KLHL34: variants seen among roughly 807,000 people sequenced by gnomAD.
KLHL34 encodes the protein kelch like family member 34.
In KLHL34, 24 loss-of-function variants were observed where a neutral mutation model predicts 23.8. That is an observed-to-expected ratio of 1.01 (90% CI 0.73 to 1.42). KLHL34 has a LOEUF of 1.42. KLHL34 is among the 40% of genes most tolerant of loss of function. KLHL34 has a pLI of 0.00. For synonymous variants in KLHL34, 303 were observed against 287.9 expected (o/e 1.05, Z -0.53); for missense variants, 652 against 595.1 (o/e 1.10, Z -0.99).
rs2092732891 is a variant in KLHL34 at position 21,656,480 on chromosome X, C to T, written c.1309G>A (p.Gly437Ser). 8.4e-7 allele frequency: 1 copy of T among 1,196,757 alleles called. No homozygotes were observed. The highest frequency in any genetic ancestry group is 2.3e-4 in the Middle Eastern group (1 of 4,303). ...LLAVGGLGAG[G>S]EVLASVEMYD... ...ATCTCCACCGAGGCCAGCACCTCACCGCCCGCACCCAGGCCCCCGACGGCC... is the reference window on the plus strand; with the variant it reads ...ATCTCCACCGAGGCCAGCACCTCACTGCCCGCACCCAGGCCCCCGACGGCC... The change falls in exon 1 of 1, where the codon GGT becomes AGT. Residue 437 changes from glycine to serine, a missense_variant. Transcript: ENST00000379499.
Position 21,655,169 on chromosome X carries a change from T to G in KLHL34, c.*685A>C, listed in dbSNP as rs1159655964. ...GTCTAAAGTCAGGGCAAAAGCAGCC[T>G]AGGGTGACACCGGTGACAGAAAAAT... is the stretch of plus-strand genomic sequence containing the variant. On this transcript the variant is annotated 3_prime_UTR_variant, in exon 1 of 1. Transcript: ENST00000379499. 1 of 110,909 alleles carries G rather than the reference T, an allele frequency of 9.0e-6. No homozygotes were observed. The highest frequency in any genetic ancestry group is 1.9e-5 in the Non-Finnish European group (1 of 53,018). The allele number at this position is 110,909 out of a possible 1,213,427, so 9.1% of individuals were successfully genotyped here.
At position 21,656,160 on chromosome X, in the gene KLHL34, GCGCTCGATCTCAGAGAAGGGCTCGTAT is replaced by G. The variant is rs748193988; in HGVS notation, c.1602_1628del (p.Glu536_Tyr544del). ...TCCACTGGTCGGCGCCGGGGTCGTA[GCGCTCGATCTCAGAGAAGGGCTCGTAT>G]CGCCCCAGAAAAGCAAACACAGCGC... On this transcript the variant is annotated inframe_deletion, in exon 1 of 1. Coordinates refer to ENST00000379499, the MANE Select transcript of KLHL34 (RefSeq NM_153270.3). 1.7e-6 allele frequency: 2 copies of G among 1,175,800 alleles called. No homozygotes were observed. Among genetic ancestry groups the G allele is most frequent in the Non-Finnish European group, 2.3e-6 (2 of 876,781 alleles).
In KLHL34 at chrX:21,656,537, A is replaced by G. The variant is rs1450270762; in HGVS notation, c.1252T>C (p.Phe418Leu). The part of the protein sequence containing the change: ...VPAMREARAH[F>L]WCGAVGERLL... ...CTCTCGCCCACCGCGCCGCACCAGA[A>G]GTGGGCCCGCGCTTCCCGCATGGCG... The change falls in exon 1 of 1, where the codon TTC becomes CTC. Residue 418 changes from phenylalanine to leucine, a missense_variant. Phe to Leu is a conservative substitution (Grantham distance 22, BLOSUM62 0). Transcript: ENST00000379499. 2.5e-6 allele frequency: 3 copies of G among 1,197,089 alleles called. No individual in the cohort carries two copies. The African/African-American group carries it at 5.3e-5, about 21-fold the overall frequency.
In KLHL34 at chrX:21,657,249, C is replaced by T; in HGVS notation, c.540G>A (p.Arg180=). ...GLLELNPTSL[R]AVLGAPDVAR... Reference sequence around the variant, plus strand: ...CCACGTCGGGGGCACCCAGTACAGCCCTCAGCGATGTAGGGTTGAGCTCCA... The same window carrying T: ...CCACGTCGGGGGCACCCAGTACAGCTCTCAGCGATGTAGGGTTGAGCTCCA... The change falls in exon 1 of 1, where the codon AGG becomes AGA. Residue 180 remains arginine, a synonymous_variant. Coordinates refer to ENST00000379499, the MANE Select transcript of KLHL34 (RefSeq NM_153270.3). 1 of 1,178,815 alleles carries T rather than the reference C, an allele frequency of 8.5e-7. No homozygotes were observed.
rs2092733715 is a variant in KLHL34 at position 21,656,786 on chromosome X, T to A, written c.1003A>T (p.Asn335Tyr). 8.4e-7 allele frequency: 1 copy of A among 1,195,743 alleles called. No homozygotes were observed. Among genetic ancestry groups the A allele is most frequent in the African/African-American group, 1.7e-5 (1 of 57,737 alleles). Reference protein sequence around the residue: ...EEEEEWELTQNVVAFDVYNHR... With the variant: ...EEEEEWELTQYVVAFDVYNHR... ...TTGTACACATCGAAGGCCACCACGTTCTGGGTGAGCTCCCACTCCTCCTCC... is the reference window on the plus strand; with the variant it reads ...TTGTACACATCGAAGGCCACCACGTACTGGGTGAGCTCCCACTCCTCCTCC... The change falls in exon 1 of 1, where the codon AAC becomes TAC. Residue 335 changes from asparagine to tyrosine, a missense_variant. Asn to Tyr is a moderately radical substitution (Grantham distance 143). Transcript: ENST00000379499.
At position 21,657,083 on chromosome X, in the gene KLHL34, C is replaced by T; in HGVS notation, c.706G>A (p.Val236Met). The T allele has an allele frequency of 1.7e-6, 2 of 1,201,876 alleles. No homozygotes were observed. Among genetic ancestry groups the T allele is most frequent in the Non-Finnish European group, 2.2e-6 (2 of 890,874 alleles). The change falls in exon 1 of 1, where the codon GTG becomes ATG. Residue 236 changes from valine (V) to methionine (M), a missense_variant. Val to Met is a conservative substitution (Grantham distance 21). Coordinates refer to ENST00000379499, the MANE Select transcript of KLHL34 (RefSeq NM_153270.3). Reference protein sequence around the residue: ...GLVPADVLRRVYSGSGLVLPA... With the variant: ...GLVPADVLRRMYSGSGLVLPA... ...AGCACGAGGCCAGAGCCCGAGTACACGCGCCGCAGTACGTCGGCGGGAACC... is the reference window on the plus strand; with the variant it reads ...AGCACGAGGCCAGAGCCCGAGTACATGCGCCGCAGTACGTCGGCGGGAACC...
In KLHL34 at chrX:21,657,971, G is replaced by A. The variant is rs2092735969; in HGVS notation, c.-183C>T. ...CATCCAGACCTGCAGATCGCCCAGT[G>A]CCCCTCTCAGAGCAAATCCAGTCTG... On this transcript the variant is annotated 5_prime_UTR_variant, in exon 1 of 1. Transcript: ENST00000379499. The A allele has an allele frequency of 3.0e-6, 2 of 667,034 alleles. No individual in the cohort carries two copies. Among genetic ancestry groups the A allele is most frequent in the Middle Eastern group, 5.3e-4 (1 of 1,891 alleles). 55.0% of individuals were successfully genotyped at this position (667,034 alleles called of 1,213,427 possible). A position where few individuals can be genotyped will look rare whatever the true frequency, so the allele number is the denominator to read the frequency against.
Position 21,656,333 on chromosome X carries a change from C to A in KLHL34, c.1456G>T (p.Gly486Cys). 8.4e-7 allele frequency: 1 copy of A among 1,188,889 alleles called. No individual in the cohort carries two copies. Among genetic ancestry groups the A allele is most frequent in the Non-Finnish European group, 1.1e-6 (1 of 885,283 alleles). The change falls in exon 1 of 1, where the codon GGC (glycine) becomes TGC (cysteine). Residue 486 changes from glycine to cysteine, a missense_variant. Physicochemically the swap from Gly to Cys is radical, Grantham distance 159. Transcript: ENST00000379499. ...CGGAGGCTGCTCGCTCCGCCCTCGC[C>A]TCTCCCTGCCTTGCCCCCCGAGATG... ...VYISGGKAGR[G>C]EGGASSLRDL... is the part of the protein sequence containing the mutation.
At position 21,656,717 on chromosome X, in the gene KLHL34, C is replaced by G; in HGVS notation, c.1072G>C (p.Gly358Arg). Residue 358 changes from glycine (G) to arginine (R), a missense_variant, in exon 1 of 1, where the codon GGG becomes CGG. Transcript: ENST00000379499. ...TTGCCCGCGGTGCACACGCTGTGCC[C>G]CAGCAGTGGTGTGGGTAGCTGCGTA... ...SLTQLPTPLL[G>R]HSVCTAGNFL... The G allele has an allele frequency of 8.3e-7, 1 of 1,207,364 alleles. No individual in the cohort carries two copies. Among genetic ancestry groups the G allele is most frequent in the Non-Finnish European group, 1.1e-6 (1 of 893,662 alleles).
Position 21,655,568 on chromosome X carries a change from G to T in KLHL34, c.*286C>A. 3 of 158,829 alleles carry T rather than the reference G, an allele frequency of 1.9e-5. No individual in the cohort carries two copies. The highest frequency in any genetic ancestry group is 2.2e-5 in the Non-Finnish European group (2 of 91,260). 13.1% of individuals were successfully genotyped at this position (158,829 alleles called of 1,213,427 possible). The stretch of plus-strand genomic sequence containing the variant: ...GGGAAAATAAGGTCATATTTTATTT[G>T]TGAAAGTCCTTCTCTAGCCTTGCGT... On this transcript the variant is annotated 3_prime_UTR_variant, in exon 1 of 1. Coordinates refer to ENST00000379499, the MANE Select transcript of KLHL34 (RefSeq NM_153270.3).
chrX:21,656,381 C>G lies in KLHL34; in HGVS notation c.1408G>C (p.Val470Leu). 1 of 1,196,409 alleles carries G rather than the reference C, an allele frequency of 8.4e-7. No individual in the cohort carries two copies. Among genetic ancestry groups the G allele is most frequent in the Non-Finnish European group, 1.1e-6 (1 of 888,879 alleles). The change falls in exon 1 of 1, where the codon GTC (valine) becomes CTC (leucine). Residue 470 changes from valine to leucine, a missense_variant. Transcript: ENST00000379499. ...ATGTACACAACACCGCGGTCCCCGA[C>G]GGCCCCCGCGTGACCGTGCAGAGCC... ...PRALHGHAGAVGDRGVVYISG... is the reference protein window; with the variant it reads ...PRALHGHAGALGDRGVVYISG...
In KLHL34 at chrX:21,656,523, C is replaced by G. The variant is rs772176214; in HGVS notation, c.1266G>C (p.Ala422=). 5.0e-6 allele frequency: 6 copies of G among 1,197,374 alleles called. No individual in the cohort carries two copies. The highest frequency in any genetic ancestry group is 1.7e-5 in the African/African-American group (1 of 57,608). The change falls in exon 1 of 1, where the codon GCG becomes GCC. Residue 422 remains alanine (A), a synonymous_variant. Transcript: ENST00000379499. ...CGACGGCCAGGAGCCTCTCGCCCAC[C>G]GCGCCGCACCAGAAGTGGGCCCGCG... is the stretch of plus-strand genomic sequence containing the variant. ...REARAHFWCG[A]VGERLLAVGG...
At position 21,656,691 on chromosome X, in the gene KLHL34, G is replaced by A; in HGVS notation, c.1098C>T (p.Asn366=). 8.3e-7 allele frequency: 1 copy of A among 1,209,879 alleles called. No individual in the cohort carries two copies. The highest frequency in any genetic ancestry group is 1.7e-5 in the African/African-American group (1 of 58,005). ...TCTCCCCACCCAGGACAAACAGGAA[G>A]TTGCCCGCGGTGCACACGCTGTGCC... ...LLGHSVCTAG[N]FLFVLGGESP... The change falls in exon 1 of 1, where the codon AAC becomes AAT. Residue 366 remains asparagine (N), a synonymous_variant. Coordinates refer to ENST00000379499, the MANE Select transcript of KLHL34 (RefSeq NM_153270.3).
In KLHL34 at chrX:21,655,916, C is replaced by T. The variant is rs1185036161; in HGVS notation, c.1873G>A (p.Glu625Lys). Residue 625 changes from glutamate to lysine, a missense_variant, in exon 1 of 1, where the codon GAG (glutamate) becomes AAG (lysine). Transcript: ENST00000379499. ...CCCTCCCTCTCGTCGTCCCCACCCT[C>T]GGCCAGCTGCAGCACTGCGCACCGC... ...GLRCAVLQLA[E>K]GGDDEREGEV... is the part of the protein sequence containing the mutation. 3 of 1,207,124 alleles carry T rather than the reference C, an allele frequency of 2.5e-6. No homozygotes were observed. Among genetic ancestry groups the T allele is most frequent in the Non-Finnish European group, 3.4e-6 (3 of 893,623 alleles).
In KLHL34 at chrX:21,656,899, T is replaced by A; in HGVS notation, c.890A>T (p.Glu297Val). The change falls in exon 1 of 1, where the codon GAG becomes GTG. Residue 297 changes from glutamate (E) to valine (V), a missense_variant. Transcript: ENST00000379499. ...GRRAREVVIEEVAAPQRAARG... is the reference protein window; with the variant it reads ...GRRAREVVIEVVAAPQRAARG... Reference sequence around the variant, plus strand: ...AGCTGCCCTCTGCGGGGCCGCGACCTCCTCAATCACCACCTCCCGTGCCCT... The same window carrying A: ...AGCTGCCCTCTGCGGGGCCGCGACCACCTCAATCACCACCTCCCGTGCCCT... 1 of 1,163,143 alleles carries A rather than the reference T, an allele frequency of 8.6e-7. No homozygotes were observed. Among genetic ancestry groups the A allele is most frequent in the Non-Finnish European group, 1.1e-6 (1 of 871,035 alleles).
rs2092730671 is a variant in KLHL34 at position 21,655,582 on chromosome X, C to T, written c.*272G>A. ...ATATTTTATTTGTGAAAGTCCTTCT[C>T]TAGCCTTGCGTGAGCCTTTCTAAAA... On this transcript the variant is annotated 3_prime_UTR_variant, in exon 1 of 1. Transcript: ENST00000379499. 2.0e-5 allele frequency: 5 copies of T among 253,549 alleles called. No individual in the cohort carries two copies. Among genetic ancestry groups the T allele is most frequent in the Non-Finnish European group, 2.0e-5 (3 of 147,080 alleles). The allele number at this position is 253,549 out of a possible 1,213,427, so 20.9% of individuals were successfully genotyped here.
In KLHL34 at chrX:21,657,085, C is replaced by T; in HGVS notation, c.704G>A (p.Arg235His). 1.7e-6 allele frequency: 2 copies of T among 1,202,718 alleles called. No individual in the cohort carries two copies. The highest frequency in any genetic ancestry group is 2.2e-6 in the Non-Finnish European group (2 of 891,470). ...CACGAGGCCAGAGCCCGAGTACACG[C>T]GCCGCAGTACGTCGGCGGGAACCAG... ...FGLVPADVLRRVYSGSGLVLP... is the reference protein window; with the variant it reads ...FGLVPADVLRHVYSGSGLVLP... Residue 235 changes from arginine (R) to histidine (H), a missense_variant, in exon 1 of 1, where the codon CGC becomes CAC. Arg to His is a conservative substitution (Grantham distance 29). Coordinates refer to ENST00000379499, the MANE Select transcript of KLHL34 (RefSeq NM_153270.3).
rs769721888 is a variant in KLHL34 at position 21,656,094 on chromosome X, C to A, written c.1695G>T (p.Gly565=). The part of the protein sequence containing the change: ...RPLPYDRFCY[G]LAVVEETALL... ...ACGCTGTCTCCTCGACCACGGCCAG[C>A]CCATAGCAGAAGCGGTCGTAGGGCA... is the stretch of plus-strand genomic sequence containing the variant. The change falls in exon 1 of 1, where the codon GGG becomes GGT. Residue 565 remains glycine (G), a synonymous_variant. Coordinates refer to ENST00000379499, the MANE Select transcript of KLHL34 (RefSeq NM_153270.3). 8.4e-7 allele frequency: 1 copy of A among 1,185,017 alleles called. No homozygotes were observed. Among genetic ancestry groups the A allele is most frequent in the Non-Finnish European group, 1.1e-6 (1 of 880,743 alleles).
At position 21,654,984 on chromosome X, in the gene KLHL34, T is replaced by G. The variant is rs913405632; in HGVS notation, c.*870A>C. On this transcript the variant is annotated 3_prime_UTR_variant, in exon 1 of 1. Coordinates refer to ENST00000379499, the MANE Select transcript of KLHL34 (RefSeq NM_153270.3). ...GGGTAACCACCAAAAATTGATTTTT[T>G]TTTACAAATATAATCTACAGTATGT... is the stretch of plus-strand genomic sequence containing the variant. 3 of 112,199 alleles carry G rather than the reference T, an allele frequency of 2.7e-5. No homozygotes were observed. The highest frequency in any genetic ancestry group is 9.7e-5 in the African/African-American group (3 of 30,821). The allele number at this position is 112,199 out of a possible 1,213,427, so 9.2% of individuals were successfully genotyped here.
Sources: allele counts gnomAD v4.1 joint callset, GRCh38; gene constraint gnomAD v4.1.1; transcripts MANE v1.5; gene names NCBI Gene and HGNC (gene_info 2026-07-23, HGNC 2026-07-21).